KLF12: variants seen among roughly 807,000 people sequenced by gnomAD.
KLF12 encodes Krueppel-like factor 12.
Under a neutral mutation model 37.8 loss-of-function variants are expected in KLF12, and 9 were observed. The observed-to-expected ratio is 0.24, with a 90% CI of 0.14 to 0.42. The LOEUF (loss-of-function observed/expected upper bound fraction) is 0.42. Among genes scored for constraint, KLF12 ranks in the 10% least tolerant of loss-of-function variants. The pLI is 1.00. For missense variants in KLF12, 411 were observed against 516.0 expected (o/e 0.80, Z 1.97); for synonymous variants, 208 against 202.1 (o/e 1.03, Z -0.25).
chr13:74,018,306 G>T (rs1892753791), intron 1 of KLF12, among the ~76,000 whole-genome samples: 1 of 152,188 alleles, frequency 6.6e-6, no homozygotes, highest in Admixed American at 6.5e-5. Context: ...CCAGAAGCTG[G>T]AGTAGTTGGG....
At chr13:74,120,532 T>A (rs1877568412) in intron 1 of KLF12, among the ~76,000 whole-genome samples, 1 of 151,420 alleles carries the variant, frequency 6.6e-6, no homozygotes, top group Non-Finnish European at 1.5e-5. Context: ...TTTATTTAGG[T>A]AAAATTAATA....
intron 3 of KLF12, among the ~76,000 whole-genome samples, chr13:73,941,678 CAA>C (rs1890193693): frequency 6.6e-6 from 1 of 152,110 alleles, no homozygotes; most frequent in Admixed American, 6.5e-5. Context: ...TTGTTTCAAA[CAA>C]GAGTTGATTT....
intron 7 of KLF12, among the ~76,000 whole-genome samples, chr13:73,706,564 C>T (rs1874961414): frequency 6.6e-6 from 1 of 152,296 alleles, no homozygotes; most frequent in South Asian, 2.1e-4. Flanking sequence ...AGTGCTACAC[C>T]TGCAAAACAT....
At chr13:74,132,505 TG>T (rs1480628857) in intron 1 of KLF12, among the ~76,000 whole-genome samples, 2 of 152,142 alleles carry the variant, frequency 1.3e-5, no homozygotes, top group Non-Finnish European at 2.9e-5. Context: ...CATTAGCCAG[TG>T]GAATTATCTA....
At chr13:74,076,651 C>A (rs1874580678) in intron 1 of KLF12, among the ~76,000 whole-genome samples, 1 of 152,074 alleles carries the variant, frequency 6.6e-6, no homozygotes, top group African/African-American at 2.4e-5. Flanking sequence ...TATTTTTTAA[C>A]TTTTATCTTA....
the KLF12 span, among the ~76,000 whole-genome samples, chr13:74,178,866 G>A: frequency 9.3e-3 from 1,409 of 152,152 alleles, 13 homozygotes; most frequent in Non-Finnish European, 0.014. Flanking sequence ...GGAAATACTG[G>A]AATTCCATTT....
At chr13:73,706,074 C>A (rs1332168093) in intron 7 of KLF12, among the ~76,000 whole-genome samples, 2 of 152,150 alleles carry the variant, frequency 1.3e-5, no homozygotes, top group Non-Finnish European at 2.9e-5. Context: ...ATCACTTGAA[C>A]CTGGGAGGCA....
the KLF12 span, among the ~76,000 whole-genome samples, chr13:74,274,432 C>T: frequency 4.6e-5 from 7 of 152,102 alleles, no homozygotes; most frequent in Non-Finnish European, 1.0e-4. Context: ...TAAATCTTTC[C>T]ACCTGTTCCT....
intron 1 of KLF12, among the ~76,000 whole-genome samples, chr13:74,015,499 C>T (rs370377939): frequency 3.4e-4 from 51 of 152,230 alleles, no homozygotes; most frequent in African/African-American, 1.2e-3. Context: ...TACTTTTATC[C>T]ACCCTAGTGC....
chr13:74,286,097 A>G, the KLF12 span, among the ~76,000 whole-genome samples: 7 of 152,216 alleles, frequency 4.6e-5, no homozygotes, highest in African/African-American at 1.4e-4. Context: ...GAAGATAAAC[A>G]TGATGAACAA....
At chr13:73,995,290 C>T (rs1892078750) in intron 1 of KLF12, among the ~76,000 whole-genome samples, 2 of 151,418 alleles carry the variant, frequency 1.3e-5, no homozygotes, top group South Asian at 4.2e-4. Flanking sequence ...ATCCTGGGCA[C>T]TAAATAATTA....
chr13:74,043,103 T>A (rs898283274), intron 1 of KLF12, among the ~76,000 whole-genome samples: 7 of 152,220 alleles, frequency 4.6e-5, no homozygotes, highest in African/African-American at 1.7e-4. Context: ...ATTCCCTTCA[T>A]GAGATACTAT....
chr13:74,179,238 A>G, the KLF12 span, among the ~76,000 whole-genome samples: 2 of 152,236 alleles, frequency 1.3e-5, no homozygotes, highest in African/African-American at 4.8e-5. Context: ...GTGAAAGCCC[A>G]TTTGGACAGG....
intron 5 of KLF12, among the ~76,000 whole-genome samples, chr13:73,811,855 T>C (rs975005707): frequency 6.6e-6 from 1 of 152,208 alleles, no homozygotes; most frequent in Non-Finnish European, 1.5e-5. Flanking sequence ...AACATAGATA[T>C]ATTATTCATT....
intron 4 of KLF12, among the ~76,000 whole-genome samples, chr13:73,824,411 G>C (rs1197811412): frequency 7.1e-6 from 1 of 141,168 alleles, no homozygotes; most frequent in South Asian, 2.3e-4. Flanking sequence ...TGAATGTCAG[G>C]GTCTCCTCTG....
chr13:74,030,443 C>G (rs2138479333), intron 1 of KLF12, among the ~76,000 whole-genome samples: 1 of 152,192 alleles, frequency 6.6e-6, no homozygotes, highest in South Asian at 2.1e-4. Context: ...TAGACATCAA[C>G]TTCTTTCATT....
chr13:74,229,957 G>A, the KLF12 span, among the ~76,000 whole-genome samples: 1 of 152,170 alleles, frequency 6.6e-6, no homozygotes, highest in African/African-American at 2.4e-5. Flanking sequence ...TCCTAATGCT[G>A]TCACTTAACT....
intron 2 of KLF12, among the ~76,000 whole-genome samples, chr13:73,981,318 G>A (rs922795879): frequency 6.6e-6 from 1 of 152,104 alleles, no homozygotes; most frequent in Non-Finnish European, 1.5e-5. Flanking sequence ...ACATTTAAAC[G>A]ACTCTTCATA....
chr13:74,074,443 C>T (rs1467632), intron 1 of KLF12, among the ~76,000 whole-genome samples: 127,576 of 151,970 alleles, frequency 0.84, 54,798 homozygotes, highest in Non-Finnish European at 0.94. Flanking sequence ...AAAATATCCA[C>T]TTTCCCTATC....
Sources: gnomAD v4.1 joint callset for allele counts (sites outside exome capture counted in the v4.1 genomes callset) on GRCh38, gnomAD v4.1.1 for gene constraint, MANE v1.5 for transcripts, NCBI Gene and HGNC (gene_info 2026-07-23, HGNC 2026-07-21) for gene names.